Variants in ZNF438 observed in about 807,000 individuals in gnomAD.
The protein encoded by ZNF438 is zinc finger protein 438.
A neutral mutation model predicts 38.0 loss-of-function variants in ZNF438; 25 were observed. That is an observed-to-expected ratio of 0.66 (90% CI 0.48 to 0.92). The LOEUF (loss-of-function observed/expected upper bound fraction) is 0.92. ZNF438 is among the 40% of genes least tolerant of loss of function. The pLI, the probability that ZNF438 is intolerant of heterozygous loss-of-function variation, is 0.00. For synonymous variants in ZNF438, 372 were observed against 364.1 expected, an observed-to-expected ratio of 1.02 and a Z score of -0.25; for missense variants, 1,007 against 999.6, an observed-to-expected ratio of 1.01 and a Z score of -0.10.
chr10:30,891,570 C>T (rs2040691238), intron 3 of ZNF438, among the ~76,000 whole-genome samples: 1 of 152,042 alleles, frequency 6.6e-6, no homozygotes, highest in Non-Finnish European at 1.5e-5. Context: ...TAAAAATTGT[C>T]CTAGTCTCTT....
At chr10:30,989,089 C>CT (rs1182112655) in intron 1 of ZNF438, among the ~76,000 whole-genome samples, 23 of 152,176 alleles carry the variant, frequency 1.5e-4, no homozygotes, top group Non-Finnish European at 1.5e-5. Flanking sequence ...TTCCAGCCTA[C>CT]TAGCCTATTT....
chr10:30,891,622 CAATATT>C (rs1480910181), intron 3 of ZNF438, among the ~76,000 whole-genome samples: 1 of 152,006 alleles, frequency 6.6e-6, no homozygotes, highest in Non-Finnish European at 1.5e-5. Context: ...TCAGATGTAT[CAATATT>C]AAGTTTCACT....
intron 1 of ZNF438, among the ~76,000 whole-genome samples, chr10:31,008,856 G>A (rs2055391506): frequency 6.6e-6 from 1 of 152,200 alleles, no homozygotes; most frequent in Non-Finnish European, 1.5e-5. Flanking sequence ...TATTTCTAAA[G>A]TGGCTGCCCA....
chr10:30,846,824 A>C (rs142311423), intron 5 of ZNF438, among the ~76,000 whole-genome samples: 1 of 152,174 alleles, frequency 6.6e-6, no homozygotes, highest in Non-Finnish European at 1.5e-5. Flanking sequence ...CGGGCTCAAG[A>C]AGCACCTGCT....
At chr10:30,855,242 G>C (rs1371163903) in intron 4 of ZNF438, among the ~76,000 whole-genome samples, 1 of 152,178 alleles carries the variant, frequency 6.6e-6, no homozygotes, top group African/African-American at 2.4e-5. Flanking sequence ...CGAGAGCACC[G>C]ATCAGTGTGA....
chr10:30,845,122 A>T (rs1446889625), exon 6 of ZNF438: 3 of 1,614,176 alleles, frequency 1.9e-6, no homozygotes, highest in Non-Finnish European at 2.5e-6. Context: ...AGGCAGTTAA[A>T]GCCTGAATGG....
intron 4 of ZNF438, among the ~76,000 whole-genome samples, chr10:30,866,535 G>T (rs948345122): frequency 1.3e-5 from 2 of 152,126 alleles, no homozygotes; most frequent in African/African-American, 2.4e-5. Context: ...TACTTTTCAG[G>T]TAAAACTGGT....
chr10:30,848,211 G>A (rs974579526), intron 5 of ZNF438, among the ~76,000 whole-genome samples: 1 of 152,184 alleles, frequency 6.6e-6, no homozygotes, highest in Non-Finnish European at 1.5e-5. Flanking sequence ...CATGGGTCAT[G>A]CCGCATTTTG....
Position 30,960,226 on chromosome 10 carries a change from A to G in ZNF438, c.-191-18575T>C, listed in dbSNP as rs751340098. 6.8e-5 allele frequency among the ~76,000 whole-genome samples: 10 copies of G among 147,318 alleles called. 2 individuals are homozygous for G. The highest frequency in any genetic ancestry group is 1.2e-4 in the Non-Finnish European group (8 of 64,968). On this transcript the variant is annotated intron_variant, in intron 1 of 5. Coordinates refer to ENST00000413025, the Ensembl canonical transcript of ZNF438. ...AATATTTTCTCCCAGTCTGCAGCCT[A>G]TCTTTTCAGTTTCTTCCCAATGTCT...
exon 6 of ZNF438, chr10:30,844,931 C>G (rs766918668): frequency 3.1e-6 from 5 of 1,596,308 alleles, no homozygotes; most frequent in Non-Finnish European, 4.3e-6. Flanking sequence ...CGGCAGAGCT[C>G]TCTCCTTAAC....
intron 1 of ZNF438, among the ~76,000 whole-genome samples, chr10:30,959,217 C>T (rs1046880011): frequency 2.0e-5 from 3 of 146,908 alleles, no homozygotes; most frequent in African/African-American, 7.3e-5. Flanking sequence ...ACAAGATCTG[C>T]ATTTAGACTG....
chr10:30,862,232 A>T (rs2035699675), intron 4 of ZNF438, among the ~76,000 whole-genome samples: 1 of 152,212 alleles, frequency 6.6e-6, no homozygotes, highest in African/African-American at 2.4e-5. Flanking sequence ...AAAGAGGTTT[A>T]GTGAGCTGCA....
exon 6 of ZNF438, chr10:30,844,703 TTTTA>T (rs1476984333): frequency 2.3e-5 from 9 of 384,350 alleles, no homozygotes; most frequent in African/African-American, 1.8e-4. Flanking sequence ...ATTTTGATCT[TTTTA>T]TTTATTCTGA....
At chr10:31,019,642 C>A (rs115632925) in intron 1 of ZNF438, among the ~76,000 whole-genome samples, 1,529 of 152,318 alleles carry the variant, frequency 0.01, 21 homozygotes, top group African/African-American at 0.034. Flanking sequence ...GACAAAAAGG[C>A]AGAGGCAGAC....
exon 5 of ZNF438, chr10:30,848,856 G>C (rs1221182321): frequency 6.2e-7 from 1 of 1,614,202 alleles, no homozygotes; most frequent in Non-Finnish European, 8.5e-7. Context: ...TGTTTGAACT[G>C]GAAGTGGTGG....
chr10:30,951,596 A>G (rs1226547703), intron 1 of ZNF438, among the ~76,000 whole-genome samples: 6 of 152,210 alleles, frequency 3.9e-5, no homozygotes, highest in Non-Finnish European at 7.3e-5. Context: ...GCATTCTTAT[A>G]TACCAGCAAC....
intron 4 of ZNF438, among the ~76,000 whole-genome samples, chr10:30,873,256 A>C (rs2037790951): frequency 6.6e-6 from 1 of 152,222 alleles, no homozygotes; most frequent in Non-Finnish European, 1.5e-5. Flanking sequence ...TGAACATCTC[A>C]AAATTCTATA....
chr10:30,933,823 C>A (rs1171290582), intron 2 of ZNF438, among the ~76,000 whole-genome samples: 1 of 152,072 alleles, frequency 6.6e-6, no homozygotes, highest in East Asian at 1.9e-4. Flanking sequence ...AGAAAGCAGG[C>A]ACAGTGGGGG....
At chr10:30,951,177 A>C (rs889102982) in intron 1 of ZNF438, among the ~76,000 whole-genome samples, 1 of 151,526 alleles carries the variant, frequency 6.6e-6, no homozygotes, top group African/African-American at 2.4e-5. Context: ...ATGCAGAAAA[A>C]GCCTTTGACA....
Sources: gnomAD v4.1 joint callset for allele counts (sites outside exome capture counted in the v4.1 genomes callset) on GRCh38, gnomAD v4.1.1 for gene constraint, MANE v1.5 for transcripts, NCBI Gene and HGNC (gene_info 2026-07-23, HGNC 2026-07-21) for gene names.